Variants in RASGRF2 observed in about 807,000 individuals in gnomAD.
RASGRF2 encodes the protein Ras protein specific guanine nucleotide releasing factor 2.
A neutral mutation model predicts 151.0 loss-of-function variants in RASGRF2; 76 were observed. The observed-to-expected ratio is 0.50, with a 90% CI of 0.42 to 0.61. RASGRF2 has a LOEUF of 0.61. Among genes scored for constraint, RASGRF2 ranks in the 20% least tolerant of loss-of-function variants. The probability of loss-of-function intolerance (pLI) is 0.00; values close to 1 mark genes in which losing one functional copy is unlikely to be tolerated. For synonymous variants in RASGRF2, 504 were observed against 566.5 expected (o/e 0.89, Z 1.57); for missense variants, 1,148 against 1,564.6 (o/e 0.73, Z 4.49).
chr5:81,086,881 C>G lies in RASGRF2; in HGVS notation c.1318C>G (p.Leu440Val). The G allele has an allele frequency of 6.2e-7, 1 of 1,614,182 alleles. No homozygotes were observed. Among genetic ancestry groups the G allele is most frequent in the Non-Finnish European group, 8.5e-7 (1 of 1,180,018 alleles). ...CGACACTGAAAACATAAGGAAAAAC[C>G]TTGCCATCGAAAGAATGATCGTGGA... The part of the protein sequence containing the change: ...VSDTENIRKN[L>V]AIERMIVEGC... The change falls in exon 9 of 27, where the codon CTT (leucine) becomes GTT (valine). Residue 440 changes from leucine to valine, a missense_variant. Coordinates refer to ENST00000265080, the MANE Select transcript of RASGRF2 (RefSeq NM_006909.3).
At position 81,223,375 on chromosome 5, in the gene RASGRF2, C is replaced by T. The variant is rs1057004214; in HGVS notation, c.3622-2303C>T. On this transcript the variant is annotated intron_variant, in intron 26 of 26. Transcript: ENST00000265080. ...GGCAGGACTCAGCCGGGCGCGGTGG[C>T]TCACGCCTGTAATCCCAGCACTTTG... 17 of 130,922 alleles carry T rather than the reference C, an allele frequency of 1.3e-4. 1 individual carries two copies. The highest frequency in any genetic ancestry group is 4.9e-4 in the South Asian group (2 of 4,088). 8.1% of individuals were successfully genotyped at this position (130,922 alleles called of 1,614,324 possible). A position where few individuals can be genotyped will look rare whatever the true frequency, so the allele number is the denominator to read the frequency against.
intron 17 of RASGRF2, among the ~76,000 whole-genome samples, chr5:81,154,133 T>G (rs1270001951): frequency 6.6e-6 from 1 of 152,114 alleles, no homozygotes; most frequent in African/African-American, 2.4e-5. Context: ...AATACCCCAC[T>G]CTAAATAATT....
chr5:81,048,311 G>A (rs1324043237), intron 2 of RASGRF2, among the ~76,000 whole-genome samples: 1 of 152,078 alleles, frequency 6.6e-6, no homozygotes, highest in Non-Finnish European at 1.5e-5. Flanking sequence ...AAGAAATTCT[G>A]TCAGGGCTTT....
At chr5:81,093,509 T>C (rs1303865027) in intron 10 of RASGRF2, among the ~76,000 whole-genome samples, 1 of 152,180 alleles carries the variant, frequency 6.6e-6, no homozygotes, top group Non-Finnish European at 1.5e-5. Context: ...ACTCCTAGAC[T>C]CAAGCAGTCC....
At chr5:80,962,551 C>T (rs1167962113) in intron 1 of RASGRF2, among the ~76,000 whole-genome samples, 1 of 151,122 alleles carries the variant, frequency 6.6e-6, no homozygotes, top group East Asian at 1.9e-4. Context: ...ATATCATTTA[C>T]TTAATCTCAA....
chr5:81,042,786 A>C, intron 1 of RASGRF2, 91 bp from the exon 2 acceptor site: 1 of 891,112 alleles, frequency 1.1e-6, no homozygotes. Flanking sequence ...GCATTTTGTA[A>C]ATATGTACCC....
chr5:81,145,558 AGC>A (rs1753986822), intron 17 of RASGRF2, among the ~76,000 whole-genome samples: 1 of 152,220 alleles, frequency 6.6e-6, no homozygotes, highest in Admixed American at 6.5e-5. Context: ...GGTCATCAAA[AGC>A]TTAGCACCTT....
intron 18 of RASGRF2, among the ~76,000 whole-genome samples, chr5:81,198,804 A>G (rs975784492): frequency 3.3e-5 from 5 of 152,118 alleles, no homozygotes; most frequent in Admixed American, 6.6e-5. Flanking sequence ...TTCTTTATCT[A>G]ATGCACCGTT....
chr5:81,053,240 A>AG (rs1205678672), intron 2 of RASGRF2, among the ~76,000 whole-genome samples: 2 of 150,464 alleles, frequency 1.3e-5, no homozygotes, highest in African/African-American at 2.4e-5. Context: ...CTCATCATTT[A>AG]CATTAGGTAT....
At position 81,073,354 on chromosome 5, in the gene RASGRF2, CAT is replaced by C; in HGVS notation, c.790_791del (p.Ile264ProfsTer31). On this transcript the variant is annotated frameshift_variant, in exon 5 of 27. Transcript: ENST00000265080. LOFTEE classifies it high-confidence loss of function. ...AESEYVHQLY[I>X]LVNGFLRPLR... Reference sequence around the variant, plus strand: ...AGTCAGAGTACGTTCACCAGCTCTACATCCTGGTCAATGGCTTTCTCCGGCCC... The same window carrying C: ...AGTCAGAGTACGTTCACCAGCTCTACCCTGGTCAATGGCTTTCTCCGGCCC... 1 of 1,614,138 alleles carries C rather than the reference CAT, an allele frequency of 6.2e-7. No individual in the cohort carries two copies.
intron 18 of RASGRF2, among the ~76,000 whole-genome samples, chr5:81,187,365 A>G (rs1367234603): frequency 6.6e-6 from 1 of 152,230 alleles, no homozygotes; most frequent in African/African-American, 2.4e-5. Flanking sequence ...TATAAACAGC[A>G]CAGTTCTAGA....
intron 13 of RASGRF2, among the ~76,000 whole-genome samples, chr5:81,110,231 C>T (rs1372128803): frequency 1.3e-5 from 2 of 152,172 alleles, no homozygotes; most frequent in Admixed American, 6.5e-5. Flanking sequence ...CCTTTTAAAA[C>T]TTACCAATTA....
intron 9 of RASGRF2, among the ~76,000 whole-genome samples, chr5:81,092,436 A>C (rs543464919): frequency 6.6e-6 from 1 of 152,320 alleles, no homozygotes; most frequent in East Asian, 1.9e-4. Flanking sequence ...ATTCTATATA[A>C]TTATGCAATA....
At chr5:80,984,564 TA>T (rs1245177135) in intron 1 of RASGRF2, among the ~76,000 whole-genome samples, 9 of 152,252 alleles carry the variant, frequency 5.9e-5, no homozygotes, top group Non-Finnish European at 1.3e-4. Flanking sequence ...GTTATTCTTC[TA>T]TCATATGTGT....
chr5:81,114,115 A>G (rs1753084943), intron 15 of RASGRF2, among the ~76,000 whole-genome samples, 195 bp downstream of exon 15: 1 of 152,208 alleles, frequency 6.6e-6, no homozygotes, highest in Admixed American at 6.5e-5. Context: ...AGAAAGCAAG[A>G]TTAGTTGTCC....
chr5:81,082,911 G>T (rs1039545219), intron 7 of RASGRF2, among the ~76,000 whole-genome samples: 19 of 152,238 alleles, frequency 1.2e-4, no homozygotes, highest in Admixed American at 1.2e-3. Context: ...AATAGACCAG[G>T]AGAAGTCATT....
chr5:81,149,895 G>A (rs185787390), intron 17 of RASGRF2, among the ~76,000 whole-genome samples: 44 of 152,230 alleles, frequency 2.9e-4, no homozygotes, highest in African/African-American at 7.0e-4. Flanking sequence ...GAAAGAGTTC[G>A]CTTGGGATCT....
chr5:81,106,993 C>T (rs577662223), intron 12 of RASGRF2, among the ~76,000 whole-genome samples: 1 of 152,244 alleles, frequency 6.6e-6, no homozygotes, highest in Non-Finnish European at 1.5e-5. Flanking sequence ...TTGGGGTCCA[C>T]TACAGGGTTG....
At chr5:80,980,020 GT>G (rs1269374729) in intron 1 of RASGRF2, among the ~76,000 whole-genome samples, 1 of 152,198 alleles carries the variant, frequency 6.6e-6, no homozygotes, top group Non-Finnish European at 1.5e-5. Context: ...TCATTTGGCA[GT>G]GGGTTTTCAT....
Sources: gnomAD v4.1 joint callset for allele counts (sites outside exome capture counted in the v4.1 genomes callset) on GRCh38, gnomAD v4.1.1 for gene constraint, MANE v1.5 for transcripts, NCBI Gene and HGNC (gene_info 2026-07-23, HGNC 2026-07-21) for gene names.